PNLIPRP3: variants seen among roughly 807,000 people sequenced by gnomAD.
PNLIPRP3 encodes the protein pancreatic lipase-related protein 3.
A neutral mutation model predicts 52.8 loss-of-function variants in PNLIPRP3; 58 were observed. That is an observed-to-expected ratio of 1.10 (90% CI 0.89 to 1.37). PNLIPRP3 has a LOEUF of 1.37. PNLIPRP3 is among the 40% of genes most tolerant of loss of function. PNLIPRP3 has a pLI of 0.00. For synonymous variants in PNLIPRP3, 192 were observed against 185.0 expected, an observed-to-expected ratio of 1.04 and a Z score of -0.31; for missense variants, 593 against 561.6, an observed-to-expected ratio of 1.06 and a Z score of -0.57.
chr10:116,439,522 G>A (rs745587211), intron 2 of PNLIPRP3: 17 of 791,244 alleles, frequency 2.1e-5, no homozygotes, highest in Non-Finnish European at 3.5e-5. Flanking sequence ...ACTTTTTTCC[G>A]GGCAACTTTA....
intron 9 of PNLIPRP3, among the ~76,000 whole-genome samples, chr10:116,470,610 T>C (rs1846354091): frequency 6.6e-6 from 1 of 151,408 alleles, no homozygotes; most frequent in African/African-American, 2.4e-5. Context: ...CCCAGGTTCA[T>C]GCCATTCTCC....
chr10:116,451,916 G>A (rs1846046045), intron 4 of PNLIPRP3, among the ~76,000 whole-genome samples: 1 of 152,200 alleles, frequency 6.6e-6, no homozygotes, highest in Non-Finnish European at 1.5e-5. Flanking sequence ...TTTGGAGCTG[G>A]GAAATGAGCA....
intron 2 of PNLIPRP3, 71 bp downstream of exon 2, chr10:116,436,936 A>G: frequency 7.2e-7 from 1 of 1,393,334 alleles, no homozygotes; most frequent in Non-Finnish European, 9.7e-7. Flanking sequence ...TACAGAAGAC[A>G]TAGATACAGT....
At chr10:116,455,180 G>C (rs1846093850) in intron 4 of PNLIPRP3, among the ~76,000 whole-genome samples, 2 of 152,140 alleles carry the variant, frequency 1.3e-5, no homozygotes, top group Admixed American at 1.3e-4. Context: ...GTCTTCTTTT[G>C]ATAACTATTC....
At position 116,477,289 on chromosome 10, in the gene PNLIPRP3, C is replaced by A; in HGVS notation, c.*136C>A. 3 of 593,160 alleles carry A rather than the reference C, an allele frequency of 5.1e-6. No individual in the cohort carries two copies. Among genetic ancestry groups the A allele is most frequent in the East Asian group, 3.2e-5 (1 of 31,396 alleles). The allele number at this position is 593,160 out of a possible 1,614,324, so 36.7% of individuals were successfully genotyped here. A position where few individuals can be genotyped will look rare whatever the true frequency, so the allele number is the denominator to read the frequency against. ...CAAGGGTCTTACTCAGAGTCAAGTACGGGTTTGCTTTTTTTCTGTGTAGAA... is the reference window on the plus strand; with the variant it reads ...CAAGGGTCTTACTCAGAGTCAAGTAAGGGTTTGCTTTTTTTCTGTGTAGAA... On this transcript the variant is annotated 3_prime_UTR_variant, in exon 12 of 12. Transcript: ENST00000369230.
At chr10:116,476,218 A>G (rs2420285) in intron 10 of PNLIPRP3, among the ~76,000 whole-genome samples, 126,518 of 151,654 alleles carry the variant, frequency 0.83, 54,156 homozygotes, top group Non-Finnish European at 0.94. Flanking sequence ...AGGGCACGGG[A>G]GCACTCTGGT....
At chr10:116,473,288 A>G (rs1001249723) in intron 10 of PNLIPRP3, among the ~76,000 whole-genome samples, 2 of 152,204 alleles carry the variant, frequency 1.3e-5, no homozygotes, top group African/African-American at 4.8e-5. Context: ...AAGTTTTATA[A>G]GTCCAGCTTC....
At chr10:116,428,150 A>C in intron 1 of PNLIPRP3, 89 bp downstream of exon 1, 1 of 927,894 alleles carries the variant, frequency 1.1e-6, no homozygotes, top group Non-Finnish European at 1.7e-6. Context: ...TTCTTTAGAA[A>C]TTACTATTGC....
At chr10:116,458,714 G>C (rs1009582495) in intron 5 of PNLIPRP3, among the ~76,000 whole-genome samples, 1 of 152,044 alleles carries the variant, frequency 6.6e-6, no homozygotes, top group Non-Finnish European at 1.5e-5. Flanking sequence ...TTCCATCTGT[G>C]CTCTGAGTTC....
chr10:116,460,939 A>T, intron 5 of PNLIPRP3, 27 bp from the exon 6 acceptor site: 1 of 1,611,170 alleles, frequency 6.2e-7, no homozygotes, highest in Non-Finnish European at 8.5e-7. Context: ...ACTTCCATAG[A>T]ACATGTCTTG....
At chr10:116,428,101 G>A (rs1474093061) in intron 1 of PNLIPRP3, 40 bp downstream of exon 1, 1 of 1,386,434 alleles carries the variant, frequency 7.2e-7, no homozygotes, top group Non-Finnish European at 1.0e-6. Flanking sequence ...TAAAAATAAT[G>A]AGTATACTTA....
At chr10:116,469,352 T>C (rs1846330925) in intron 9 of PNLIPRP3, 35 bp downstream of exon 9, 2 of 1,556,636 alleles carry the variant, frequency 1.3e-6, no homozygotes, top group African/African-American at 1.4e-5. Flanking sequence ...TGTAATGCTT[T>C]AAGGTACTTA....
intron 10 of PNLIPRP3, 113 bp from the exon 11 acceptor site, chr10:116,476,539 C>G (rs1027341434): frequency 1.3e-6 from 1 of 778,484 alleles, no homozygotes; most frequent in East Asian, 2.9e-5. Flanking sequence ...CTCCTACAAG[C>G]AAATGCTAGC....
chr10:116,467,037 G>A (rs1043887476), intron 8 of PNLIPRP3, among the ~76,000 whole-genome samples: 3 of 152,126 alleles, frequency 2.0e-5, no homozygotes, highest in Admixed American at 2.0e-4. Flanking sequence ...GAGCACCCAC[G>A]GGATCCTGGC....
rs1263810873 is a variant in PNLIPRP3 at position 116,466,096 on chromosome 10, T to A, written c.855T>A (p.Phe285Leu). ...FDCNHARSYQ[F>L]YAESILNPDA... ...GTAACCATGCCCGAAGTTATCAATT[T>A]TATGCTGAAAGCATTCTTAATCCTG... The change falls in exon 8 of 12, where the codon TTT (phenylalanine) becomes TTA (leucine). Residue 285 changes from phenylalanine (F) to leucine (L), a missense_variant. Transcript: ENST00000369230. 1.2e-6 allele frequency: 2 copies of A among 1,613,838 alleles called. No homozygotes were observed. Among genetic ancestry groups the A allele is most frequent in the Non-Finnish European group, 1.7e-6 (2 of 1,179,972 alleles).
At chr10:116,428,124 A>AAGTAT in intron 1 of PNLIPRP3, 63 bp downstream of exon 1, 2 of 1,173,496 alleles carry the variant, frequency 1.7e-6, no homozygotes, top group Non-Finnish European at 2.5e-6. Context: ...TCTAAAATGT[A>AAGTAT]ATTGACATGA....
chr10:116,464,742 A>G (rs953096742), intron 7 of PNLIPRP3, among the ~76,000 whole-genome samples: 8 of 152,190 alleles, frequency 5.3e-5, no homozygotes, highest in Admixed American at 5.2e-4. Flanking sequence ...TGGCTTAGGG[A>G]GCCTTGAGGT....
Position 116,463,371 on chromosome 10 carries a change from C to T in PNLIPRP3, c.808+2081C>T, listed in dbSNP as rs561882501. On this transcript the variant is annotated intron_variant, in intron 7 of 11. Transcript: ENST00000369230. ...GATGAGGAGGTCTGAGATGACCCTC[C>T]GTGTCAGGAACCCTGGGACTTGTTC... 7.2e-5 allele frequency among the ~76,000 whole-genome samples: 11 copies of T among 152,302 alleles called. No individual in the cohort carries two copies. In the East Asian group the frequency reaches 1.5e-3, roughly 21 times the overall value.
At chr10:116,476,581 C>T (rs570679414) in intron 10 of PNLIPRP3, 71 bp from the exon 11 acceptor site, 2 of 1,260,546 alleles carry the variant, frequency 1.6e-6, no homozygotes, top group Non-Finnish European at 2.2e-6. Flanking sequence ...AGTGCATACA[C>T]AGATGTGTTT....
Sources: gnomAD v4.1 joint callset for allele counts (sites outside exome capture counted in the v4.1 genomes callset) on GRCh38, gnomAD v4.1.1 for gene constraint, MANE v1.5 for transcripts, NCBI Gene and HGNC (gene_info 2026-07-23, HGNC 2026-07-21) for gene names.